Variants in LUZP2 observed in about 807,000 individuals in gnomAD.
LUZP2 encodes the protein leucine zipper protein 2.
A neutral mutation model predicts 51.6 loss-of-function variants in LUZP2; 52 were observed. The ratio of observed to expected loss-of-function variants is 1.01; its 90% CI spans 0.81 to 1.27. The LOEUF is 1.27. LUZP2 is among the 50% of genes most tolerant of loss of function. The pLI, the probability that LUZP2 is intolerant of heterozygous loss-of-function variation, is 0.00. For missense variants in LUZP2, 436 were observed against 395.4 expected (o/e 1.10, Z -0.87); for synonymous variants, 154 against 137.3 (o/e 1.12, Z -0.85).
chr11:24,970,123 C>G (rs10767288), intron 7 of LUZP2, among the ~76,000 whole-genome samples: 57,132 of 151,956 alleles, frequency 0.38, 12,803 homozygotes, highest in East Asian at 0.72. Flanking sequence ...GGTTTACTAT[C>G]TTTGATAATG....
At chr11:24,502,288 C>G (rs545383526) in intron 1 of LUZP2, among the ~76,000 whole-genome samples, 23 of 148,112 alleles carry the variant, frequency 1.6e-4, no homozygotes, top group Non-Finnish European at 3.3e-4. Context: ...TAGTCATCAT[C>G]CAAAAGAAAA....
rs1415196313 is a variant in LUZP2 at position 24,707,397 on chromosome 11, G to A, written c.63-21772G>A. On this transcript the variant is annotated intron_variant, in intron 1 of 11. Transcript: ENST00000336930. ...ACTACCAGTCTTAAAAATATCATGT[G>A]AAAAACACAGAAAAGCTTAACAGTT... Among the ~76,000 whole-genome samples, 3 of 151,862 alleles carry A rather than the reference G, an allele frequency of 2.0e-5. No homozygotes were observed. The East Asian group carries it at 5.8e-4, about 29-fold the overall frequency.
intron 1 of LUZP2, among the ~76,000 whole-genome samples, chr11:24,653,108 T>A (rs1258799602): frequency 6.6e-6 from 1 of 152,100 alleles, no homozygotes; most frequent in Non-Finnish European, 1.5e-5. Context: ...TGGTAAGCAC[T>A]TATCTGAGAA....
intron 5 of LUZP2, among the ~76,000 whole-genome samples, chr11:24,778,110 C>T (rs943863793): frequency 1.3e-5 from 2 of 151,780 alleles, no homozygotes; most frequent in Admixed American, 6.6e-5. Context: ...CTAAATCAAA[C>T]GTATAGTAAG....
intron 6 of LUZP2, among the ~76,000 whole-genome samples, chr11:24,911,768 C>T (rs1020061240): frequency 1.3e-5 from 2 of 152,048 alleles, no homozygotes; most frequent in African/African-American, 4.8e-5. Context: ...TATTTTGAGT[C>T]ACTTGGGAAG....
intron 5 of LUZP2, among the ~76,000 whole-genome samples, chr11:24,827,497 G>T (rs146062645): frequency 2.3e-4 from 35 of 152,238 alleles, no homozygotes; most frequent in African/African-American, 8.4e-4. Flanking sequence ...AGTGAAATCA[G>T]ATGTTAACTA....
chr11:24,761,370 C>T (rs1363388759), intron 4 of LUZP2, among the ~76,000 whole-genome samples: 1 of 152,114 alleles, frequency 6.6e-6, no homozygotes, highest in East Asian at 1.9e-4. Context: ...GGTGCTAAAC[C>T]ATTAGAAACC....
At chr11:24,582,293 T>TAG (rs1187884843) in intron 1 of LUZP2, among the ~76,000 whole-genome samples, 2 of 138,374 alleles carry the variant, frequency 1.4e-5, no homozygotes, top group Non-Finnish European at 3.1e-5. Context: ...CTGTAATCCC[T>TAG]AGCTGATTTT....
At chr11:24,787,636 T>C (rs1849285781) in intron 5 of LUZP2, among the ~76,000 whole-genome samples, 1 of 152,172 alleles carries the variant, frequency 6.6e-6, no homozygotes, top group Admixed American at 6.6e-5. Context: ...TTCATGATTC[T>C]ACCTCCAACA....
At chr11:24,529,180 G>A (rs996807516) in intron 1 of LUZP2, among the ~76,000 whole-genome samples, 2 of 151,050 alleles carry the variant, frequency 1.3e-5, no homozygotes, top group Admixed American at 1.3e-4. Context: ...ACAGTAAGTT[G>A]CATAAGACAG....
intron 9 of LUZP2, among the ~76,000 whole-genome samples, chr11:25,031,262 G>A (rs184048102): frequency 1.3e-5 from 2 of 151,324 alleles, no homozygotes; most frequent in Non-Finnish European, 2.9e-5. Flanking sequence ...CACCTGCCTC[G>A]GCATCCCAAA....
chr11:24,765,629 C>CT (rs762443498), intron 5 of LUZP2, among the ~76,000 whole-genome samples: 2,192 of 132,888 alleles, frequency 0.016, 32 homozygotes, highest in Non-Finnish European at 0.02. Context: ...TTTCTTTTTT[C>CT]TTTTTTTTTT....
intron 1 of LUZP2, among the ~76,000 whole-genome samples, chr11:24,678,554 G>A (rs1182724671): frequency 6.6e-6 from 1 of 152,072 alleles, no homozygotes. Context: ...AAAAAACTGA[G>A]ATTGTGTCTT....
At chr11:24,512,726 C>T (rs1850348816) in intron 1 of LUZP2, among the ~76,000 whole-genome samples, 2 of 151,046 alleles carry the variant, frequency 1.3e-5, no homozygotes, top group Admixed American at 1.3e-4. Context: ...CTTTTAATTC[C>T]TGAATTTAAT....
chr11:24,775,766 G>C (rs112775104), intron 5 of LUZP2, among the ~76,000 whole-genome samples: 1 of 152,104 alleles, frequency 6.6e-6, no homozygotes, highest in Non-Finnish European at 1.5e-5. Flanking sequence ...TTCTCTGAGA[G>C]AGAGATAGCT....
intron 9 of LUZP2, among the ~76,000 whole-genome samples, chr11:25,008,484 C>A (rs1262635787): frequency 6.6e-6 from 1 of 152,138 alleles, no homozygotes; most frequent in African/African-American, 2.4e-5. Context: ...TGCAGTGCAG[C>A]GAATAAGGGC....
chr11:24,584,361 T>A (rs1852984770), intron 1 of LUZP2, among the ~76,000 whole-genome samples: 1 of 152,222 alleles, frequency 6.6e-6, no homozygotes, highest in African/African-American at 2.4e-5. Flanking sequence ...GTATTTGTGA[T>A]GTTTGGAAGT....
At chr11:24,707,645 G>A (rs1474692210) in intron 1 of LUZP2, among the ~76,000 whole-genome samples, 1 of 152,096 alleles carries the variant, frequency 6.6e-6, no homozygotes, top group Admixed American at 6.6e-5. Context: ...TCCAAGGGCA[G>A]GAGAAGGTGG....
At chr11:24,788,130 A>T (rs1435972454) in intron 5 of LUZP2, among the ~76,000 whole-genome samples, 3 of 151,126 alleles carry the variant, frequency 2.0e-5, no homozygotes, top group African/African-American at 7.3e-5. Flanking sequence ...TAAATTTAAC[A>T]GTACCTTAAT....
Sources: gnomAD v4.1 joint callset for allele counts (sites outside exome capture counted in the v4.1 genomes callset) on GRCh38, gnomAD v4.1.1 for gene constraint, MANE v1.5 for transcripts, NCBI Gene and HGNC (gene_info 2026-07-23, HGNC 2026-07-21) for gene names.